Variants in NAV3 observed in about 807,000 individuals in gnomAD.
The protein encoded by NAV3 is pore membrane and/or filament interacting like protein 1.
NAV3 carries 87 observed loss-of-function variants against 244.7 expected under a neutral mutation model. The ratio of observed to expected loss-of-function variants is 0.36; its 90% CI spans 0.30 to 0.42. The LOEUF (loss-of-function observed/expected upper bound fraction) is 0.42. Among genes scored for constraint, NAV3 ranks in the 20% least tolerant of loss-of-function variants. The probability of loss-of-function intolerance (pLI) is 1.00; values close to 1 mark genes in which losing one functional copy is unlikely to be tolerated. For synonymous variants in NAV3, 1,126 were observed against 1,042.2 expected, an observed-to-expected ratio of 1.08 and a Z score of -1.55; for missense variants, 2,663 against 2,893.3, an observed-to-expected ratio of 0.92 and a Z score of 1.83.
chr12:78,119,202 C>A (rs765802453), intron 14 of NAV3, 35 bp from the exon 15 acceptor site: 1 of 1,568,674 alleles, frequency 6.4e-7, no homozygotes, highest in Non-Finnish European at 8.7e-7. Context: ...TCAAACTCTA[C>A]AGGCACATAT....
At chr12:77,736,113 T>C (rs1877323640) in intron 2 of NAV3, among the ~76,000 whole-genome samples, 1 of 152,224 alleles carries the variant, frequency 6.6e-6, no homozygotes, top group Admixed American at 6.5e-5. Flanking sequence ...TTGTGAGATA[T>C]AGACAAGTAA....
At chr12:78,018,901 G>A (rs1876682857) in intron 8 of NAV3, among the ~76,000 whole-genome samples, 1 of 152,132 alleles carries the variant, frequency 6.6e-6, no homozygotes, top group Admixed American at 6.5e-5. Flanking sequence ...GCCCACAATA[G>A]ATGAAGCCAG....
At chr12:78,132,464 G>T (rs1383616014) in intron 18 of NAV3, among the ~76,000 whole-genome samples, 1 of 152,112 alleles carries the variant, frequency 6.6e-6, no homozygotes, top group Non-Finnish European at 1.5e-5. Flanking sequence ...CTGCCCTCTT[G>T]ATTCTCTTCA....
intron 3 of NAV3, among the ~76,000 whole-genome samples, chr12:77,944,793 G>A (rs1473109622): frequency 6.6e-6 from 1 of 150,898 alleles, no homozygotes; most frequent in African/African-American, 2.4e-5. Context: ...GAGAGAGTGA[G>A]ACTATTGTTG....
intron 2 of NAV3, among the ~76,000 whole-genome samples, chr12:77,712,101 C>A (rs1438578102): frequency 3.3e-5 from 5 of 152,132 alleles, no homozygotes; most frequent in African/African-American, 7.2e-5. Flanking sequence ...GGAGTTTTAG[C>A]TGTTTTGTAT....
At chr12:77,630,580 A>C (rs1002857772) in intron 2 of NAV3, among the ~76,000 whole-genome samples, 1 of 152,146 alleles carries the variant, frequency 6.6e-6, no homozygotes, top group Admixed American at 6.6e-5. Flanking sequence ...CCTTGCCCGT[A>C]CATGTCTTTT....
At chr12:77,904,605 G>T (rs1885751681) in intron 1 of NAV3, among the ~76,000 whole-genome samples, 1 of 152,004 alleles carries the variant, frequency 6.6e-6, no homozygotes, top group African/African-American at 2.4e-5. Flanking sequence ...TAACAAACCT[G>T]CACGTTGTGC....
intron 9 of NAV3, among the ~76,000 whole-genome samples, chr12:78,039,963 C>A (rs546213305): frequency 6.6e-6 from 1 of 152,072 alleles, no homozygotes; most frequent in Non-Finnish European, 1.5e-5. Flanking sequence ...CAGGAGGAGA[C>A]ACAACATTGC....
rs1565971133 is a variant in NAV3 at position 77,968,680 on chromosome 12, A to C, written c.649A>C (p.Thr217Pro). ...SPPSEASQAK[T>P]QQDMQSSLAA... ...TCCATCGGAAGCCAGCCAGGCCAAA[A>C]CCCAGCAAGATATGCAGTCCAGGTA... Residue 217 changes from threonine (T) to proline (P), a missense_variant, in exon 5 of 40, where the codon ACC (threonine) becomes CCC (proline). Physicochemically the swap from Thr to Pro is conservative, Grantham distance 38. Transcript: ENST00000397909. The C allele has an allele frequency of 6.2e-7, 1 of 1,614,006 alleles. No individual in the cohort carries two copies.
chr12:78,060,133 CTT>C (rs1487578202), intron 12 of NAV3, among the ~76,000 whole-genome samples: 4 of 152,036 alleles, frequency 2.6e-5, no homozygotes, highest in African/African-American at 9.7e-5. Context: ...AGAATTTTGA[CTT>C]TGTTGAGCAG....
In NAV3 at chr12:77,673,127, T is replaced by G. The variant is rs150208115; in HGVS notation, c.72+100861T>G. On this transcript the variant is annotated intron_variant, in intron 2 of 8. Coordinates refer to the NAV3 transcript ENST00000550042. The stretch of plus-strand genomic sequence containing the variant: ...TTTACTTTTTAAAAATGTTCACACC[T>G]AAACATTACACCAGGGATATAAACT... 3.1e-4 allele frequency among the ~76,000 whole-genome samples: 47 copies of G among 152,290 alleles called. 1 individual carries two copies. In the East Asian group the frequency reaches 9.1e-3, roughly 29 times the overall value.
At chr12:77,610,305 G>A (rs376174790) in intron 2 of NAV3, among the ~76,000 whole-genome samples, 3 of 152,070 alleles carry the variant, frequency 2.0e-5, no homozygotes, top group Non-Finnish European at 2.9e-5. Context: ...TCTTCCTGCC[G>A]TGTCTCTGAT....
chr12:77,989,736 G>A (rs1305912167), intron 5 of NAV3, among the ~76,000 whole-genome samples: 1 of 152,186 alleles, frequency 6.6e-6, no homozygotes, highest in Non-Finnish European at 1.5e-5. Context: ...ATGGAATGGT[G>A]AAGTTGCCTT....
intron 5 of NAV3, among the ~76,000 whole-genome samples, chr12:77,973,771 T>A (rs10859738): frequency 0.53 from 79,911 of 151,926 alleles, 22,036 homozygotes; most frequent in African/African-American, 0.7. Flanking sequence ...AGATGACAGG[T>A]AGGCTTTAGT....
intron 23 of NAV3, among the ~76,000 whole-genome samples, chr12:78,168,242 G>C (rs904229149): frequency 2.0e-5 from 3 of 151,644 alleles, no homozygotes; most frequent in Admixed American, 6.6e-5. Flanking sequence ...TAGGAATTAG[G>C]GGTAAGTTCC....
intron 2 of NAV3, among the ~76,000 whole-genome samples, chr12:77,574,443 G>T (rs1356895586): frequency 1.3e-5 from 2 of 152,088 alleles, no homozygotes; most frequent in African/African-American, 4.8e-5. Flanking sequence ...TGAAGTGCTG[G>T]CCATGGCCCT....
At chr12:77,989,633 C>T (rs939964003) in intron 5 of NAV3, among the ~76,000 whole-genome samples, 3 of 151,974 alleles carry the variant, frequency 2.0e-5, no homozygotes, top group Admixed American at 1.3e-4. Context: ...TAGTTGAGAT[C>T]ATGAAAAATA....
intron 2 of NAV3, among the ~76,000 whole-genome samples, chr12:77,741,937 T>A (rs533713484): frequency 2.2e-4 from 34 of 152,262 alleles, no homozygotes; most frequent in African/African-American, 7.5e-4. Context: ...ATTAGAATCT[T>A]ATTTATTTAA....
chr12:78,177,057 G>A, intron 26 of NAV3, 84 bp from the exon 27 acceptor site: 1 of 1,408,482 alleles, frequency 7.1e-7, no homozygotes, highest in Non-Finnish European at 1.0e-6. Flanking sequence ...CAGTGGCTAG[G>A]ATGGCATCTG....
Sources: allele counts gnomAD v4.1 joint callset (sites outside exome capture counted in the v4.1 genomes callset), GRCh38; gene constraint gnomAD v4.1.1; transcripts MANE v1.5; gene names NCBI Gene and HGNC (gene_info 2026-07-23, HGNC 2026-07-21).